Variants in TMEM117 observed in about 807,000 individuals in gnomAD.
TMEM117 encodes the protein transmembrane protein 117.
In TMEM117, 27 loss-of-function variants were observed where a neutral mutation model predicts 52.4. The observed-to-expected ratio is 0.51, with a 90% CI of 0.38 to 0.71. The LOEUF is 0.71. TMEM117 is among the 30% of genes least tolerant of loss of function. The pLI is 0.00. For synonymous variants in TMEM117, 215 were observed against 206.3 expected, an observed-to-expected ratio of 1.04 and a Z score of -0.36; for missense variants, 556 against 630.5, an observed-to-expected ratio of 0.88 and a Z score of 1.26.
intron 3 of TMEM117, among the ~76,000 whole-genome samples, chr12:44,029,884 T>C (rs1382492524): frequency 1.3e-5 from 2 of 152,218 alleles, no homozygotes; most frequent in Admixed American, 6.5e-5. Context: ...GGTTTCCTTC[T>C]TGTCTTGTAT....
intron 6 of TMEM117, among the ~76,000 whole-genome samples, chr12:44,301,508 C>A (rs531598589): frequency 1.3e-5 from 2 of 152,162 alleles, no homozygotes; most frequent in South Asian, 4.2e-4. Context: ...TAAGTTTGGA[C>A]CATTTTGGCT....
At chr12:44,378,976 A>T (rs1376256338) in intron 7 of TMEM117, among the ~76,000 whole-genome samples, 1 of 152,130 alleles carries the variant, frequency 6.6e-6, no homozygotes, top group African/African-American at 2.4e-5. Flanking sequence ...TCTGGAGCTT[A>T]AATTCAAAAT....
chr12:44,356,854 A>G (rs1951655987), intron 6 of TMEM117, among the ~76,000 whole-genome samples: 1 of 151,944 alleles, frequency 6.6e-6, no homozygotes, highest in African/African-American at 2.4e-5. Context: ...GACTCTCCCC[A>G]CTGTAGTCAA....
At chr12:44,007,511 C>T (rs1478595049) in intron 3 of TMEM117, among the ~76,000 whole-genome samples, 1 of 152,074 alleles carries the variant, frequency 6.6e-6, no homozygotes, top group Admixed American at 6.6e-5. Context: ...GAGTTTCTTT[C>T]TCTCAACCCT....
intron 6 of TMEM117, among the ~76,000 whole-genome samples, chr12:44,359,885 T>C (rs1224409947): frequency 6.6e-6 from 1 of 152,146 alleles, no homozygotes; most frequent in Admixed American, 6.5e-5. Flanking sequence ...TAGCAATTAT[T>C]TTTGTCTGTG....
chr12:44,198,048 C>G (rs1157572962), intron 4 of TMEM117, among the ~76,000 whole-genome samples: 1 of 152,168 alleles, frequency 6.6e-6, no homozygotes, highest in African/African-American at 2.4e-5. Flanking sequence ...ATTTAGGAAA[C>G]TTTCATCTGC....
intron 1 of TMEM117, among the ~76,000 whole-genome samples, chr12:43,842,747 C>A (rs148135600): frequency 2.6e-5 from 4 of 151,958 alleles, no homozygotes; most frequent in African/African-American, 9.7e-5. Context: ...CACACGTGCA[C>A]GCACACACAC....
chr12:44,288,877 G>A lies in TMEM117; in HGVS notation c.609-10703G>A, dbSNP rs371902245. On this transcript the variant is annotated intron_variant, in intron 5 of 7. Transcript: ENST00000266534. Reference sequence around the variant, plus strand: ...TGTATGTATGTATGCATGTGGTGAAGACACTCAATACCTACCTTCCTAGTG... The same window carrying A: ...TGTATGTATGTATGCATGTGGTGAAAACACTCAATACCTACCTTCCTAGTG... 2.4e-4 allele frequency among the ~76,000 whole-genome samples: 36 copies of A among 152,182 alleles called. No individual in the cohort carries two copies. In the East Asian group the frequency reaches 3.1e-3, roughly 13 times the overall value.
intron 4 of TMEM117, among the ~76,000 whole-genome samples, chr12:44,144,848 G>T (rs1031351422): frequency 6.6e-6 from 1 of 152,234 alleles, no homozygotes; most frequent in Non-Finnish European, 1.5e-5. Context: ...AGAACAGGCT[G>T]CCTCACATGA....
chr12:43,863,076 T>C (rs978895100), intron 2 of TMEM117, among the ~76,000 whole-genome samples: 1 of 152,034 alleles, frequency 6.6e-6, no homozygotes, highest in Non-Finnish European at 1.5e-5. Context: ...TGAAACCCTG[T>C]CTCTACTGAA....
chr12:44,391,557 C>T (rs1266909245), downstream of TMEM117, among the ~76,000 whole-genome samples: 1 of 152,124 alleles, frequency 6.6e-6, no homozygotes, highest in Non-Finnish European at 1.5e-5. Flanking sequence ...CCAACACAGG[C>T]ATTCAGATTT....
chr12:44,383,634 A>G (rs1015273534), intron 7 of TMEM117, among the ~76,000 whole-genome samples: 4 of 152,194 alleles, frequency 2.6e-5, no homozygotes, highest in Non-Finnish European at 5.9e-5. Context: ...GGTAGTTGAA[A>G]CAACAGGGGA....
chr12:44,083,535 TG>T (rs1410556000), intron 3 of TMEM117: 2 of 151,700 alleles, frequency 1.3e-5, no homozygotes, highest in Non-Finnish European at 2.9e-5. Context: ...CTTGAGTAGC[TG>T]GGAGTACAGG....
At chr12:43,881,265 G>T (rs996952240) in intron 2 of TMEM117, among the ~76,000 whole-genome samples, 1 of 152,148 alleles carries the variant, frequency 6.6e-6, no homozygotes, top group African/African-American at 2.4e-5. Flanking sequence ...TTACAGAGAT[G>T]AAGGGAAATT....
At chr12:44,090,980 TTTAAG>T (rs1947662464) in intron 3 of TMEM117, among the ~76,000 whole-genome samples, 1 of 151,890 alleles carries the variant, frequency 6.6e-6, no homozygotes, top group Non-Finnish European at 1.5e-5. Flanking sequence ...AGATAAATAC[TTTAAG>T]TTATATCCTC....
At chr12:44,167,981 C>T (rs549984753) in intron 4 of TMEM117, among the ~76,000 whole-genome samples, 2 of 152,134 alleles carry the variant, frequency 1.3e-5, no homozygotes, top group African/African-American at 2.4e-5. Flanking sequence ...TTTGGCCAGG[C>T]GCGGTGGCTC....
At chr12:44,044,392 A>G (rs1471365909) in intron 3 of TMEM117, among the ~76,000 whole-genome samples, 1 of 152,176 alleles carries the variant, frequency 6.6e-6, no homozygotes, top group Non-Finnish European at 1.5e-5. Flanking sequence ...TGAACGTTTG[A>G]CCATGGATCA....
At chr12:43,914,661 G>A (rs1944570529) in intron 2 of TMEM117, among the ~76,000 whole-genome samples, 1 of 152,114 alleles carries the variant, frequency 6.6e-6, no homozygotes, top group Non-Finnish European at 1.5e-5. Flanking sequence ...AGATTGGTGA[G>A]ATTTCATGGT....
intron 2 of TMEM117, among the ~76,000 whole-genome samples, chr12:43,880,195 A>G (rs1943872093): frequency 6.6e-6 from 1 of 152,194 alleles, no homozygotes; most frequent in Non-Finnish European, 1.5e-5. Context: ...AGGAGGATGT[A>G]AAGGCTCCTA....
Sources: gnomAD v4.1 joint callset for allele counts (sites outside exome capture counted in the v4.1 genomes callset) on GRCh38, gnomAD v4.1.1 for gene constraint, MANE v1.5 for transcripts, NCBI Gene and HGNC (gene_info 2026-07-23, HGNC 2026-07-21) for gene names.